Variants in EBF1 observed in about 807,000 individuals in gnomAD.
EBF1 encodes the protein EBF transcription factor 1, also known as transcription factor COE1.
EBF1 carries 10 observed loss-of-function variants against 68.4 expected under a neutral mutation model. The observed-to-expected ratio is 0.15, with a 90% confidence interval of 0.09 to 0.25. The LOEUF (loss-of-function observed/expected upper bound fraction) is 0.25. Among genes scored for constraint, EBF1 ranks in the 10% least tolerant of loss-of-function variants. The probability of loss-of-function intolerance (pLI) is 1.00; values close to 1 mark genes in which losing one functional copy is unlikely to be tolerated. For missense variants in EBF1, 509 were observed against 794.4 expected (o/e 0.64, Z 4.32); for synonymous variants, 298 against 299.8 (o/e 0.99, Z 0.06).
At chr5:158,914,567 T>C (rs1163159054) in intron 6 of EBF1, among the ~76,000 whole-genome samples, 3 of 152,118 alleles carry the variant, frequency 2.0e-5, no homozygotes, top group Non-Finnish European at 4.4e-5. Flanking sequence ...TGGCAAAACA[T>C]TTCAATCAAC....
intron 15 of EBF1, among the ~76,000 whole-genome samples, chr5:158,701,181 G>A (rs1026289535): frequency 6.6e-5 from 10 of 152,058 alleles, no homozygotes; most frequent in African/African-American, 1.7e-4. Flanking sequence ...GTCTACTTTC[G>A]CTTTCCACCA....
intron 6 of EBF1, among the ~76,000 whole-genome samples, chr5:158,878,815 T>C (rs1292831984): frequency 6.6e-6 from 1 of 152,042 alleles, no homozygotes; most frequent in Non-Finnish European, 1.5e-5. Context: ...AGCTAATTTT[T>C]TTATTTTTAG....
chr5:158,718,675 T>C (rs766159130), intron 11 of EBF1, among the ~76,000 whole-genome samples: 39 of 152,318 alleles, frequency 2.6e-4, no homozygotes, highest in Non-Finnish European at 2.1e-4. Flanking sequence ...GACTAGTGGC[T>C]GAGCATGGAT....
Position 159,022,056 on chromosome 5 carries a change from TAA to T in EBF1, c.554+51338_554+51339del, listed in dbSNP as rs10630834. On this transcript the variant is annotated intron_variant, in intron 6 of 15. Transcript: ENST00000313708. ...TTAAAAGGAACATTTGTCAGCACGA[TAA>T]AAAAAAAAAAAAAAAAAAGGCAAGA... Among the ~76,000 whole-genome samples the T allele has an allele frequency of 5.6e-3, 590 of 105,610 alleles. 2 individuals are homozygous for T. Among genetic ancestry groups the T allele is most frequent in the Non-Finnish European group, 7.6e-3 (416 of 54,616 alleles). 69.3% of individuals were successfully genotyped at this position (105,610 alleles called of 152,430 possible). A position where few individuals can be genotyped will look rare whatever the true frequency, so the allele number is the denominator to read the frequency against.
At chr5:158,823,136 T>C in intron 8 of EBF1, 40 bp downstream of exon 8, 2 of 1,613,420 alleles carry the variant, frequency 1.2e-6, no homozygotes, top group Non-Finnish European at 1.7e-6. Flanking sequence ...ATATTCACAG[T>C]TAAAGTAGCA....
chr5:158,761,182 T>A (rs1561850256), intron 10 of EBF1, among the ~76,000 whole-genome samples: 1 of 152,194 alleles, frequency 6.6e-6, no homozygotes, highest in Non-Finnish European at 1.5e-5. Flanking sequence ...CCAATGCAAT[T>A]CCCTTAAATT....
intron 6 of EBF1, among the ~76,000 whole-genome samples, chr5:158,945,766 T>C (rs1814521182): frequency 6.6e-6 from 1 of 152,228 alleles, no homozygotes; most frequent in Non-Finnish European, 1.5e-5. Flanking sequence ...CTGTATGATA[T>C]TCTGGATGAT....
intron 6 of EBF1, among the ~76,000 whole-genome samples, chr5:158,896,015 C>A (rs1168926823): frequency 6.6e-6 from 1 of 151,992 alleles, no homozygotes; most frequent in Non-Finnish European, 1.5e-5. Flanking sequence ...CAACAGATAA[C>A]AAGGAAGAGA....
intron 9 of EBF1, among the ~76,000 whole-genome samples, chr5:158,777,762 C>T (rs1432680): frequency 0.019 from 2,921 of 152,300 alleles, 41 homozygotes; most frequent in Middle Eastern, 0.044. Flanking sequence ...ATGGCAGGCC[C>T]TCTGCTTCCT....
intron 11 of EBF1, among the ~76,000 whole-genome samples, chr5:158,722,679 T>C (rs1268100632): frequency 6.6e-6 from 1 of 152,258 alleles, no homozygotes; most frequent in African/African-American, 2.4e-5. Context: ...AGACAAACGA[T>C]ATCTGTAAAT....
intron 4 of EBF1, among the ~76,000 whole-genome samples, chr5:159,093,435 AT>A (rs1782003837): frequency 6.6e-6 from 1 of 152,154 alleles, no homozygotes; most frequent in Non-Finnish European, 1.5e-5. Flanking sequence ...GAGATGTCAT[AT>A]TATGGCAAAT....
intron 6 of EBF1, among the ~76,000 whole-genome samples, chr5:159,015,293 G>A (rs1765427111): frequency 6.6e-6 from 1 of 152,096 alleles, no homozygotes; most frequent in Non-Finnish European, 1.5e-5. Context: ...TAAGTTCCTC[G>A]CACAACAGAA....
chr5:158,727,310 C>G (rs964645181), intron 11 of EBF1, among the ~76,000 whole-genome samples: 2 of 152,204 alleles, frequency 1.3e-5, no homozygotes, highest in Non-Finnish European at 2.9e-5. Flanking sequence ...TGACCACTCA[C>G]GAAGGCAACT....
intron 6 of EBF1, among the ~76,000 whole-genome samples, chr5:158,865,120 G>A (rs1485550757): frequency 6.6e-6 from 1 of 152,044 alleles, no homozygotes; most frequent in Non-Finnish European, 1.5e-5. Flanking sequence ...CTCTTCCCAG[G>A]ACTCTTTTCC....
At chr5:158,700,731 C>A (rs966911709) in intron 15 of EBF1, among the ~76,000 whole-genome samples, 1 of 151,290 alleles carries the variant, frequency 6.6e-6, no homozygotes, top group Non-Finnish European at 1.5e-5. Context: ...GAAATTCAAT[C>A]CACATGTTTC....
chr5:158,893,117 TG>T (rs1801505838), intron 6 of EBF1, among the ~76,000 whole-genome samples: 1 of 152,238 alleles, frequency 6.6e-6, no homozygotes, highest in South Asian at 2.1e-4. Flanking sequence ...TGAACTTCTT[TG>T]AAAATCCACA....
chr5:158,988,960 G>A (rs1759704937), intron 6 of EBF1, among the ~76,000 whole-genome samples: 1 of 152,224 alleles, frequency 6.6e-6, no homozygotes, highest in African/African-American at 2.4e-5. Context: ...AATTCCAACA[G>A]AAAACCCTTT....
intron 10 of EBF1, among the ~76,000 whole-genome samples, chr5:158,749,927 TCATGATGACATCAA>T (rs1185519006): frequency 6.6e-6 from 1 of 152,126 alleles, no homozygotes; most frequent in Non-Finnish European, 1.5e-5. Flanking sequence ...TTATCTTTTC[TCATGATGACATCAA>T]CATTGAAACT....
intron 6 of EBF1, among the ~76,000 whole-genome samples, chr5:158,982,115 G>A (rs1267207101): frequency 2.0e-5 from 3 of 152,144 alleles, no homozygotes; most frequent in African/African-American, 7.2e-5. Context: ...CAATGGCCTA[G>A]ACCAAACTAC....
Sources: allele counts gnomAD v4.1 joint callset (sites outside exome capture counted in the v4.1 genomes callset), GRCh38; gene constraint gnomAD v4.1.1; transcripts MANE v1.5; gene names NCBI Gene and HGNC (gene_info 2026-07-23, HGNC 2026-07-21).